The following SUMF1 variants were observed in gnomAD, a reference collection of about 807,000 sequenced individuals.
SUMF1 encodes the protein formylglycine-generating enzyme.
In SUMF1, 48 loss-of-function variants were observed where a neutral mutation model predicts 47.6. The observed-to-expected ratio is 1.01, with a 90% CI of 0.80 to 1.28. The LOEUF (loss-of-function observed/expected upper bound fraction) is 1.28, where lower values mean the gene tolerates loss of function less well. SUMF1 is among the 50% of genes most tolerant of loss of function. SUMF1 has a pLI of 0.00. For missense variants in SUMF1, 571 were observed against 485.4 expected, an observed-to-expected ratio of 1.18 and a Z score of -1.66; for synonymous variants, 230 against 192.1, an observed-to-expected ratio of 1.20 and a Z score of -1.63.
intron 7 of SUMF1, among the ~76,000 whole-genome samples, chr3:4,400,949 T>A (rs1254605013): frequency 7.3e-6 from 1 of 136,624 alleles, no homozygotes; most frequent in Admixed American, 7.5e-5. Context: ...TTTCTCCTAA[T>A]GCTATCCCTC....
chr3:4,461,751 T>A (rs964552528), intron 1 of SUMF1, among the ~76,000 whole-genome samples: 1 of 152,196 alleles, frequency 6.6e-6, no homozygotes, highest in Non-Finnish European at 1.5e-5. Flanking sequence ...TAATTTCTCA[T>A]TTATACTAAT....
At position 4,313,625 on chromosome 3, in the gene SUMF1, C is replaced by T. The variant is rs759531079; in HGVS notation, c.1014+62705G>A. ...TGTTACTGTGGTGCCAAATCATGTA[C>T]TGCTTTCCTGCCTTTTGACAGTTCT... On this transcript the variant is annotated intron_variant and NMD_transcript_variant, in intron 8 of 12. Coordinates refer to the SUMF1 transcript ENST00000448413. The T allele has an allele frequency of 3.0e-5, 49 of 1,613,980 alleles. 3 individuals carry two copies. In the South Asian group the frequency reaches 4.7e-4, roughly 16 times the overall value.
chr3:4,285,634 A>G (rs545456049), intron 8 of SUMF1, among the ~76,000 whole-genome samples: 19 of 152,272 alleles, frequency 1.2e-4, no homozygotes, highest in African/African-American at 4.6e-4. Context: ...TTGTATAGGT[A>G]TGTAATAGAT....
intron 1 of SUMF1, among the ~76,000 whole-genome samples, chr3:4,454,252 T>C (rs575237402): frequency 1.3e-5 from 2 of 152,324 alleles, no homozygotes; most frequent in Admixed American, 1.3e-4. Context: ...TGGGGCTGCC[T>C]TATTCACAGC....
Position 4,396,304 on chromosome 3 carries a change from G to C in SUMF1, c.954+14561C>G, listed in dbSNP as rs540553806. On this transcript the variant is annotated intron_variant, in intron 7 of 8. Coordinates refer to ENST00000272902, the MANE Select transcript of SUMF1 (RefSeq NM_182760.4). ...TCGAATAAATCATTCGACTATTCTAGTTTCAGACACACAAACCTCTCTATA... is the reference window on the plus strand; with the variant it reads ...TCGAATAAATCATTCGACTATTCTACTTTCAGACACACAAACCTCTCTATA... 2.1e-4 allele frequency among the ~76,000 whole-genome samples: 32 copies of C among 152,290 alleles called. No homozygotes were observed. In the South Asian group the frequency reaches 6.4e-3, roughly 31 times the overall value.
intron 8 of SUMF1, among the ~76,000 whole-genome samples, chr3:4,094,865 C>T (rs145063637): frequency 6.6e-5 from 10 of 152,178 alleles, no homozygotes; most frequent in South Asian, 2.1e-4. Context: ...GGAGAGGGAT[C>T]GTGATGTAGG....
At chr3:4,455,150 C>A (rs1010854155) in intron 1 of SUMF1, among the ~76,000 whole-genome samples, 1 of 152,176 alleles carries the variant, frequency 6.6e-6, no homozygotes, top group Non-Finnish European at 1.5e-5. Flanking sequence ...TTTACAGACA[C>A]AATGTCTTAT....
chr3:4,418,579 T>C (rs1426963433), intron 4 of SUMF1, among the ~76,000 whole-genome samples: 1 of 152,216 alleles, frequency 6.6e-6, no homozygotes, highest in Non-Finnish European at 1.5e-5. Context: ...ATGGGCCATA[T>C]ACACCCTAGA....
At chr3:4,347,191 A>G (rs1031997989) in intron 8 of SUMF1, among the ~76,000 whole-genome samples, 2 of 152,158 alleles carry the variant, frequency 1.3e-5, no homozygotes, top group African/African-American at 2.4e-5. Context: ...TATGAAGCCA[A>G]TATCATCCTG....
At chr3:4,345,506 G>A (rs1699356375) in intron 8 of SUMF1, among the ~76,000 whole-genome samples, 1 of 152,076 alleles carries the variant, frequency 6.6e-6, no homozygotes, top group Non-Finnish European at 1.5e-5. Flanking sequence ...TTACCAACAG[G>A]CCTGCCCTGC....
chr3:4,194,874 G>A (rs935594534), intron 8 of SUMF1, among the ~76,000 whole-genome samples: 2 of 152,130 alleles, frequency 1.3e-5, no homozygotes, highest in African/African-American at 2.4e-5. Flanking sequence ...TAAGCTAGCG[G>A]TAAAATATAA....
chr3:4,360,871 G>A (rs1559243469), downstream of SUMF1, among the ~76,000 whole-genome samples: 1 of 152,150 alleles, frequency 6.6e-6, no homozygotes, highest in Non-Finnish European at 1.5e-5. Flanking sequence ...GGCATGGGAA[G>A]CAAATGCTGG....
At chr3:4,150,427 A>T (rs2629267) in intron 8 of SUMF1, among the ~76,000 whole-genome samples, 1,568 of 151,204 alleles carry the variant, frequency 0.01, 89 homozygotes, top group African/African-American at 0.036. Context: ...CCAGGTGTAG[A>T]GGCAGGTGCC....
chr3:4,213,859 A>C (rs1179420501), intron 8 of SUMF1, among the ~76,000 whole-genome samples: 1 of 152,230 alleles, frequency 6.6e-6, no homozygotes, highest in East Asian at 1.9e-4. Context: ...AGAACAGCTA[A>C]CTACCCTAAA....
At chr3:4,413,505 C>T (rs1701611268) in intron 6 of SUMF1, among the ~76,000 whole-genome samples, 1 of 151,890 alleles carries the variant, frequency 6.6e-6, no homozygotes, top group Non-Finnish European at 1.5e-5. Flanking sequence ...GAGTATGCCA[C>T]TAAGGAAAAT....
At chr3:4,439,394 C>T (rs1021755076) in intron 3 of SUMF1, among the ~76,000 whole-genome samples, 2 of 151,900 alleles carry the variant, frequency 1.3e-5, no homozygotes, top group African/African-American at 4.8e-5. Context: ...GTGTGGTGGG[C>T]GCACTCCTAT....
intron 8 of SUMF1, chr3:4,317,700 T>C (rs1698720463): frequency 6.4e-6 from 1 of 155,592 alleles, no homozygotes; most frequent in African/African-American, 2.4e-5. Context: ...AAATGGAAAA[T>C]TTTGCCCTAA....
intron 9 of SUMF1, among the ~76,000 whole-genome samples, chr3:4,054,809 C>G (rs1358212733): frequency 6.6e-6 from 1 of 152,248 alleles, no homozygotes; most frequent in African/African-American, 2.4e-5. Context: ...TTAATTTGCA[C>G]CAGCACTGTG....
At chr3:4,195,995 A>T (rs1046717980) in intron 8 of SUMF1, among the ~76,000 whole-genome samples, 2 of 152,146 alleles carry the variant, frequency 1.3e-5, no homozygotes, top group Admixed American at 6.6e-5. Context: ...GAAATTATAT[A>T]TAATAATTTA....
Sources: gnomAD v4.1 joint callset for allele counts (sites outside exome capture counted in the v4.1 genomes callset) on GRCh38, gnomAD v4.1.1 for gene constraint, MANE v1.5 for transcripts, NCBI Gene and HGNC (gene_info 2026-07-23, HGNC 2026-07-21) for gene names.